SCYL2: variants seen among roughly 807,000 people sequenced by gnomAD.
The protein encoded by SCYL2 is SCY1-like protein 2.
In SCYL2, 36 loss-of-function variants were observed where a neutral mutation model predicts 100.4. The observed-to-expected ratio is 0.36, with a 90% CI of 0.27 to 0.47. SCYL2 has a LOEUF of 0.47. Among genes scored for constraint, SCYL2 ranks in the 20% least tolerant of loss-of-function variants. The pLI is 1.00. For synonymous variants in SCYL2, 330 were observed against 359.2 expected, an observed-to-expected ratio of 0.92 and a Z score of 0.92; for missense variants, 902 against 1,083.9, an observed-to-expected ratio of 0.83 and a Z score of 2.36.
intron 2 of SCYL2, 40 bp downstream of exon 2, chr12:100,283,187 T>C: frequency 6.6e-7 from 1 of 1,511,470 alleles, no homozygotes; most frequent in South Asian, 1.3e-5. Context: ...AAAACCCACA[T>C]GCTAAGAACC....
intron 8 of SCYL2, 112 bp downstream of exon 8, chr12:100,314,726 T>A: frequency 9.3e-7 from 1 of 1,073,636 alleles, no homozygotes. Context: ...CTGAGGTACA[T>A]AAATGACTAT....
chr12:100,326,719 C>T lies in SCYL2; in HGVS notation c.1607C>T (p.Pro536Leu). Residue 536 changes from proline (P) to leucine (L), a missense_variant, in exon 12 of 18, where the codon CCA becomes CTA. Pro to Leu is a moderately conservative substitution (Grantham distance 98, BLOSUM62 -3). Coordinates refer to ENST00000360820, the MANE Select transcript of SCYL2 (RefSeq NM_017988.6). ...DDILPFLQQI[P>L]SKEPAVLMGI... is the part of the protein sequence containing the mutation. ...ATCCTACCCTTCTTACAACAAATTC[C>T]ATCCAAGGAACCTGCGGTCCTCATG... is the stretch of plus-strand genomic sequence containing the variant. 2.5e-6 allele frequency: 4 copies of T among 1,611,494 alleles called. No individual in the cohort carries two copies. The highest frequency in any genetic ancestry group is 3.4e-6 in the Non-Finnish European group (4 of 1,179,156).
chr12:100,299,585 T>G (rs780020114), intron 4 of SCYL2, among the ~76,000 whole-genome samples: 2 of 152,212 alleles, frequency 1.3e-5, no homozygotes, highest in Non-Finnish European at 2.9e-5. Context: ...TGGGTAGATT[T>G]GCATTTTCTA....
intron 6 of SCYL2, 72 bp from the exon 7 acceptor site, chr12:100,313,350 A>T: frequency 1.1e-5 from 7 of 640,930 alleles, no homozygotes; most frequent in South Asian, 7.2e-5. Context: ...GTAAATTTTT[A>T]AATGTTTTCT....
At chr12:100,274,249 A>C (rs575741578) in intron 1 of SCYL2, among the ~76,000 whole-genome samples, 1 of 152,222 alleles carries the variant, frequency 6.6e-6, no homozygotes, top group Non-Finnish European at 1.5e-5. Context: ...TTGCTTGTGT[A>C]TCCAATAATT....
chr12:100,282,970 C>T lies in SCYL2; in HGVS notation c.-1C>T. On this transcript the variant is annotated 5_prime_UTR_variant, in exon 2 of 18. Transcript: ENST00000360820. Reference sequence around the variant, plus strand: ...AACTATAACTACCCAATATTGCAGCCATGGAGTCCATGCTTAATAAATTGA... The same window carrying T: ...AACTATAACTACCCAATATTGCAGCTATGGAGTCCATGCTTAATAAATTGA... 6.3e-7 allele frequency: 1 copy of T among 1,591,060 alleles called. No homozygotes were observed. Among genetic ancestry groups the T allele is most frequent in the Non-Finnish European group, 8.6e-7 (1 of 1,167,658 alleles).
chr12:100,314,279 G>GTA (rs2096345843), intron 7 of SCYL2, among the ~76,000 whole-genome samples: 4 of 152,118 alleles, frequency 2.6e-5, no homozygotes, highest in African/African-American at 9.7e-5. Context: ...TTTTTACCCA[G>GTA]CCAATTCACA....
intron 12 of SCYL2, among the ~76,000 whole-genome samples, chr12:100,327,941 A>G (rs1274203394): frequency 5.3e-5 from 8 of 152,132 alleles, no homozygotes; most frequent in Non-Finnish European, 1.2e-4. Flanking sequence ...TAGACATGGA[A>G]GGTACTCTAG....
chr12:100,334,591 G>A (rs544536103), intron 14 of SCYL2, among the ~76,000 whole-genome samples: 2 of 152,000 alleles, frequency 1.3e-5, no homozygotes, highest in Non-Finnish European at 2.9e-5. Flanking sequence ...AAAACTAAAA[G>A]CACCAATTAG....
At chr12:100,327,500 A>G (rs1952145298) in intron 12 of SCYL2, among the ~76,000 whole-genome samples, 1 of 151,954 alleles carries the variant, frequency 6.6e-6, no homozygotes, top group South Asian at 2.1e-4. Flanking sequence ...TTTTTATTTA[A>G]TTTAAGGTTG....
intron 12 of SCYL2, among the ~76,000 whole-genome samples, chr12:100,327,730 G>T (rs1486700919): frequency 6.6e-6 from 1 of 151,988 alleles, no homozygotes; most frequent in Non-Finnish European, 1.5e-5. Context: ...TGGCCAGGCT[G>T]GTCTTGAACT....
chr12:100,282,900 G>T lies in SCYL2; in HGVS notation c.-28-43G>T. The T allele has an allele frequency of 3.3e-6, 3 of 922,678 alleles. No individual in the cohort carries two copies. The South Asian group carries it at 5.9e-5, about 18-fold the overall frequency. The allele number at this position is 922,678 out of a possible 1,614,324, so 57.2% of individuals were successfully genotyped here. On this transcript the variant is annotated intron_variant, in intron 1 of 17. Transcript: ENST00000360820. ...TAAACTATGAATAAATGCTTATATA[G>T]ATAAGAAATGATCAGTTCTCCACTA...
At chr12:100,305,213 A>C (rs996870201) in intron 4 of SCYL2, among the ~76,000 whole-genome samples, 1 of 152,222 alleles carries the variant, frequency 6.6e-6, no homozygotes, top group East Asian at 1.9e-4. Flanking sequence ...TCTTCTCAGC[A>C]CCACATTGCA....
intron 10 of SCYL2, among the ~76,000 whole-genome samples, chr12:100,319,739 G>C (rs2096353573): frequency 6.6e-6 from 1 of 151,992 alleles, no homozygotes; most frequent in Non-Finnish European, 1.5e-5. Context: ...GCCAGGTTGG[G>C]GAAACCAGCA....
chr12:100,285,350 G>A (rs914946053), intron 2 of SCYL2, among the ~76,000 whole-genome samples: 2 of 152,196 alleles, frequency 1.3e-5, no homozygotes, highest in African/African-American at 4.8e-5. Context: ...AGCTATATCT[G>A]TGTTGTTGAA....
At position 100,291,548 on chromosome 12, in the gene SCYL2, CA is replaced by C; in HGVS notation, c.228del (p.Lys76AsnfsTer11). On this transcript the variant is annotated frameshift_variant, in exon 3 of 18. Transcript: ENST00000360820. LOFTEE classifies it high-confidence loss of function. ...TGATAAAAAACTGATTGACAAGTAT[CA>C]AAAATTTGAAAAGGATCAAATCATT... is the stretch of plus-strand genomic sequence containing the variant. ...VFDKKLIDKYQKFEKDQIIDS... is the reference protein window; with the variant it reads ...VFDKKLIDKYXKFEKDQIIDS... 1 of 1,583,596 alleles carries C rather than the reference CA, an allele frequency of 6.3e-7. No homozygotes were observed. The highest frequency in any genetic ancestry group is 1.9e-5 in the Admixed American group (1 of 52,838).
At position 100,311,070 on chromosome 12, in the gene SCYL2, T is replaced by C; in HGVS notation, c.507T>C (p.His169=). ...TTTCTGAAGGATTGTCATTCTTGCA[T>C]AGCAGTGTGAAAATGGTGCATGGAA... The part of the protein sequence containing the change: ...LQVSEGLSFL[H]SSVKMVHGNI... The change falls in exon 5 of 18, where the codon CAT becomes CAC. Residue 169 remains histidine, a synonymous_variant. Coordinates refer to ENST00000360820, the MANE Select transcript of SCYL2 (RefSeq NM_017988.6). 5.6e-6 allele frequency: 9 copies of C among 1,598,966 alleles called. No individual in the cohort carries two copies. Among genetic ancestry groups the C allele is most frequent in the African/African-American group, 1.3e-5 (1 of 74,358 alleles).
At position 100,267,273 on chromosome 12, in the gene SCYL2, G is replaced by A. The variant is rs1469115591; in HGVS notation, c.-548G>A. On this transcript the variant is annotated 5_prime_UTR_variant, in exon 1 of 18. Transcript: ENST00000360820. ...CGTTTGCGGCCGCGGGGGCGGCGGA[G>A]GATATGGAGTAAAGCCAGAGTCAGT... 1.7e-6 allele frequency: 1 copy of A among 596,472 alleles called. No individual in the cohort carries two copies. Among genetic ancestry groups the A allele is most frequent in the African/African-American group, 1.9e-5 (1 of 53,634 alleles). The allele number at this position is 596,472 out of a possible 1,614,324, so 36.9% of individuals were successfully genotyped here.
At chr12:100,289,634 T>A (rs1032878251) in intron 2 of SCYL2, among the ~76,000 whole-genome samples, 1 of 152,242 alleles carries the variant, frequency 6.6e-6, no homozygotes, top group Non-Finnish European at 1.5e-5. Context: ...GTATTATATT[T>A]TCATTTTTTA....
Sources: allele counts gnomAD v4.1 joint callset (sites outside exome capture counted in the v4.1 genomes callset), GRCh38; gene constraint gnomAD v4.1.1; transcripts MANE v1.5; gene names NCBI Gene and HGNC (gene_info 2026-07-23, HGNC 2026-07-21).